The following ASTN2 variants were observed in gnomAD, a reference collection of about 807,000 sequenced individuals.
ASTN2 encodes the protein astrotactin 2.
ASTN2 carries 54 observed loss-of-function variants against 139.8 expected under a neutral mutation model. That is an observed-to-expected ratio of 0.39 (90% CI 0.31 to 0.48). The LOEUF is 0.48. ASTN2 is among the 20% of genes least tolerant of loss of function. The pLI is 0.95. For missense variants in ASTN2, 1,565 were observed against 1,725.1 expected (o/e 0.91, Z 1.64); for synonymous variants, 756 against 719.5 (o/e 1.05, Z -0.81).
chr9:117,119,916 G>T (rs1829496971), intron 4 of ASTN2, among the ~76,000 whole-genome samples: 1 of 150,796 alleles, frequency 6.6e-6, no homozygotes, highest in Admixed American at 6.6e-5. Context: ...ACTAGAATGT[G>T]AAAAGGTAAT....
chr9:116,524,783 A>C (rs1167607526), intron 19 of ASTN2, among the ~76,000 whole-genome samples: 1 of 152,170 alleles, frequency 6.6e-6, no homozygotes, highest in African/African-American at 2.4e-5. Context: ...TCAGGGTTAC[A>C]TGGCCAAGGT....
chr9:116,772,297 T>C (rs1194071599), intron 13 of ASTN2, among the ~76,000 whole-genome samples: 1 of 152,120 alleles, frequency 6.6e-6, no homozygotes, highest in African/African-American at 2.4e-5. Flanking sequence ...GTTCTTGTGA[T>C]AGTGAGTAAG....
chr9:117,147,464 C>CATA (rs58379572), intron 3 of ASTN2, among the ~76,000 whole-genome samples: 1 of 146,278 alleles, frequency 6.8e-6, no homozygotes, highest in Non-Finnish European at 1.5e-5. Context: ...CACACACACA[C>CATA]CCCCGTTATC....
At chr9:117,105,783 T>G (rs1829088114) in intron 4 of ASTN2, among the ~76,000 whole-genome samples, 1 of 152,216 alleles carries the variant, frequency 6.6e-6, no homozygotes, top group South Asian at 2.1e-4. Context: ...GTTCCTGACA[T>G]ACGGTGTGAC....
intron 1 of ASTN2, among the ~76,000 whole-genome samples, chr9:117,345,819 C>A (rs1040117188): frequency 6.6e-6 from 1 of 152,036 alleles, no homozygotes; most frequent in African/African-American, 2.4e-5. Flanking sequence ...CTTTCTTTAA[C>A]CTTTTAACTT....
intron 10 of ASTN2, among the ~76,000 whole-genome samples, chr9:116,963,918 G>T (rs141931907): frequency 3.9e-5 from 6 of 152,104 alleles, no homozygotes; most frequent in African/African-American, 1.4e-4. Flanking sequence ...TTGACTAAAG[G>T]CCTCAGCTCC....
chr9:116,998,549 T>TCATCCATC (rs35712923), intron 7 of ASTN2, among the ~76,000 whole-genome samples: 7,402 of 150,594 alleles, frequency 0.049, 231 homozygotes, highest in Non-Finnish European at 0.065. Flanking sequence ...AATTTGATTT[T>TCATCCATC]CATCCATCCA....
At chr9:117,407,855 T>C (rs1183803366) in intron 1 of ASTN2, among the ~76,000 whole-genome samples, 1 of 152,202 alleles carries the variant, frequency 6.6e-6, no homozygotes, top group East Asian at 1.9e-4. Flanking sequence ...TAATCTTTTG[T>C]TGCCACTAGC....
chr9:117,273,410 C>G (rs1283266301), intron 2 of ASTN2, among the ~76,000 whole-genome samples: 10 of 152,198 alleles, frequency 6.6e-5, no homozygotes, highest in Admixed American at 6.5e-4. Context: ...GTTTTCCCTC[C>G]TGAACCTCAG....
chr9:117,365,181 C>CA lies in ASTN2; in HGVS notation c.442+49315dup, dbSNP rs1371666843. 2.7e-4 allele frequency among the ~76,000 whole-genome samples: 23 copies of CA among 86,260 alleles called. No homozygotes were observed. The East Asian group carries it at 4.2e-3, about 16-fold the overall frequency. The allele number at this position is 86,260 out of a possible 152,430, so 56.6% of individuals were successfully genotyped here. On this transcript the variant is annotated intron_variant, in intron 1 of 22. Coordinates refer to ENST00000313400, the MANE Select transcript of ASTN2 (RefSeq NM_001365068.1). ...AACAAACAAACAAAAACAAAAACAA[C>CA]AAAAAAAAGAAAAAATGAAGGGAAG...
At chr9:116,546,445 C>T (rs1852095044) in intron 19 of ASTN2, 2 of 152,054 alleles carry the variant, frequency 1.3e-5, no homozygotes, top group African/African-American at 4.8e-5. Flanking sequence ...AGTAGCAGAG[C>T]CTGGATACCT....
chr9:117,281,228 C>T, intron 2 of ASTN2, among the ~76,000 whole-genome samples: 1 of 152,150 alleles, frequency 6.6e-6, no homozygotes. Context: ...TTATTCCTCC[C>T]CTCAGCCCCA....
rs554343891 is a variant in ASTN2, at chr9:116,453,375, C to T, written c.3498-10822G>A. 4.0e-5 allele frequency among the ~76,000 whole-genome samples: 6 copies of T among 151,424 alleles called. No homozygotes were observed. In the East Asian group the frequency reaches 5.9e-4, roughly 15 times the overall value. ...TTGGGAGGCAGAGGCGGGTGGATCA[C>T]GAGGTCAGGAGATCGAGACCATCCT... On this transcript the variant is annotated intron_variant, in intron 20 of 22. Transcript: ENST00000313400.
intron 2 of ASTN2, among the ~76,000 whole-genome samples, chr9:117,275,313 C>T (rs1368794570): frequency 6.6e-6 from 1 of 152,148 alleles, no homozygotes; most frequent in African/African-American, 2.4e-5. Flanking sequence ...AAACACCTTA[C>T]TTCACAGTAC....
At chr9:116,858,962 T>C (rs1286833081) in intron 11 of ASTN2, among the ~76,000 whole-genome samples, 1 of 152,184 alleles carries the variant, frequency 6.6e-6, no homozygotes, top group Non-Finnish European at 1.5e-5. Flanking sequence ...TGGGTCTCAA[T>C]GGGCTAAAAT....
rs768489597 is a variant in ASTN2 at position 116,425,575 on chromosome 9, T to A, written c.*276A>T. The A allele has an allele frequency of 6.8e-6, 11 of 1,613,322 alleles. No homozygotes were observed. Among genetic ancestry groups the A allele is most frequent in the African/African-American group, 1.3e-5 (1 of 74,924 alleles). ...ACTTCTGCCTCGGGATTGACAGCCA[T>A]CCATAAGAAAAGGTTTAAAAAGGAG... On this transcript the variant is annotated 3_prime_UTR_variant, in exon 23 of 23. Transcript: ENST00000313400.
At chr9:116,675,306 G>A (rs994447616) in intron 16 of ASTN2, among the ~76,000 whole-genome samples, 2 of 152,152 alleles carry the variant, frequency 1.3e-5, no homozygotes. Context: ...TAGGGTGTTT[G>A]GATTGGTGAC....
In ASTN2 at chr9:116,424,559, T is replaced by C. The variant is rs1474442291; in HGVS notation, c.*1292A>G. On this transcript the variant is annotated 3_prime_UTR_variant, in exon 23 of 23. Coordinates refer to ENST00000313400, the MANE Select transcript of ASTN2 (RefSeq NM_001365068.1). ...GTACTGTCTCTTGTCTCTGGGCTTT[T>C]GTTCATATCTCTTCTTCCTGGAGCA... is the stretch of plus-strand genomic sequence containing the variant. 1.3e-5 allele frequency among the ~76,000 whole-genome samples: 2 copies of C among 151,684 alleles called. No individual in the cohort carries two copies. Among genetic ancestry groups the C allele is most frequent in the Non-Finnish European group, 2.9e-5 (2 of 67,982 alleles).
intron 19 of ASTN2, among the ~76,000 whole-genome samples, chr9:116,493,923 C>T (rs1429028558): frequency 1.3e-5 from 2 of 152,114 alleles, no homozygotes; most frequent in Non-Finnish European, 2.9e-5. Flanking sequence ...GGCCTGGCCT[C>T]TCTAACCTGC....
Sources: allele counts gnomAD v4.1 joint callset (sites outside exome capture counted in the v4.1 genomes callset), GRCh38; gene constraint gnomAD v4.1.1; transcripts MANE v1.5; gene names NCBI Gene and HGNC (gene_info 2026-07-23, HGNC 2026-07-21).